The following RAPGEF5 variants were observed in gnomAD, a reference collection of about 807,000 sequenced individuals.
The protein encoded by RAPGEF5 is M-Ras-regulated GEF.
In RAPGEF5, 65 loss-of-function variants were observed where a neutral mutation model predicts 125.2. The observed-to-expected ratio is 0.52, with a 90% CI of 0.43 to 0.64. The LOEUF is 0.64. RAPGEF5 is among the 30% of genes least tolerant of loss of function. The probability of loss-of-function intolerance (pLI) is 0.00; values close to 1 mark genes in which losing one functional copy is unlikely to be tolerated. For synonymous variants in RAPGEF5, 391 were observed against 385.9 expected, an observed-to-expected ratio of 1.01 and a Z score of -0.16; for missense variants, 958 against 1,048.1, an observed-to-expected ratio of 0.91 and a Z score of 1.19.
chr7:22,273,211 A>ATTT (rs71026869), intron 6 of RAPGEF5, among the ~76,000 whole-genome samples: 202 of 96,594 alleles, frequency 2.1e-3, no homozygotes, highest in Non-Finnish European at 2.5e-3. Flanking sequence ...ACTTAGGAGT[A>ATTT]TTTTTTTTTT....
At chr7:22,180,586 G>A (rs1784643633) in intron 11 of RAPGEF5, among the ~76,000 whole-genome samples, 1 of 152,174 alleles carries the variant, frequency 6.6e-6, no homozygotes, top group South Asian at 2.1e-4. Context: ...TCACATGAGA[G>A]AGAAATACAT....
chr7:22,236,513 G>A (rs1786193920), intron 7 of RAPGEF5, among the ~76,000 whole-genome samples: 1 of 152,170 alleles, frequency 6.6e-6, no homozygotes, highest in Non-Finnish European at 1.5e-5. Context: ...GGATATTTCA[G>A]TTTAGATCAC....
intron 1 of RAPGEF5, among the ~76,000 whole-genome samples, chr7:22,350,566 C>T (rs1174859083): frequency 6.6e-6 from 1 of 152,190 alleles, no homozygotes; most frequent in Non-Finnish European, 1.5e-5. Flanking sequence ...CACTGAGGCT[C>T]AGAATGCTCA....
intron 24 of RAPGEF5, 88 bp from the exon 25 acceptor site, chr7:22,125,746 C>A: frequency 8.2e-7 from 1 of 1,214,854 alleles, no homozygotes; most frequent in South Asian, 1.2e-5. Flanking sequence ...GAAGGATAAT[C>A]TAGCACTCTT....
At chr7:22,237,168 A>G (rs1337057106) in intron 7 of RAPGEF5, among the ~76,000 whole-genome samples, 1 of 152,238 alleles carries the variant, frequency 6.6e-6, no homozygotes, top group Admixed American at 6.5e-5. Context: ...GGCCCCTGAC[A>G]AAATGAAGAG....
At chr7:22,138,068 G>T (rs995035368) in intron 21 of RAPGEF5, among the ~76,000 whole-genome samples, 3 of 151,252 alleles carry the variant, frequency 2.0e-5, no homozygotes, top group African/African-American at 7.3e-5. Flanking sequence ...AACAAACAGA[G>T]GACCAATTAA....
At chr7:22,275,049 C>T (rs1466820062) in intron 6 of RAPGEF5, among the ~76,000 whole-genome samples, 1 of 152,080 alleles carries the variant, frequency 6.6e-6, no homozygotes, top group Non-Finnish European at 1.5e-5. Context: ...ACTATGCTCT[C>T]TCTTTGCCCC....
chr7:22,195,676 G>A (rs973018958), intron 9 of RAPGEF5, among the ~76,000 whole-genome samples: 1 of 152,006 alleles, frequency 6.6e-6, no homozygotes, highest in Non-Finnish European at 1.5e-5. Context: ...CTATGTGGCT[G>A]AAGTGAAATA....
At chr7:22,324,807 C>T (rs1057371077) in intron 1 of RAPGEF5, among the ~76,000 whole-genome samples, 1 of 152,150 alleles carries the variant, frequency 6.6e-6, no homozygotes, top group Non-Finnish European at 1.5e-5. Context: ...ATTAATCTCC[C>T]GAAAACACCT....
At position 22,315,493 on chromosome 7, in the gene RAPGEF5, G is replaced by A; in HGVS notation, c.283-17C>T. On this transcript the variant is annotated splice_polypyrimidine_tract_variant and intron_variant, in intron 2 of 25. Transcript: ENST00000665637. ...TCCATAAATCTAAATGGAAAAGACAGTCACTGTAAATATAGAACAATAATG... is the reference window on the plus strand; with the variant it reads ...TCCATAAATCTAAATGGAAAAGACAATCACTGTAAATATAGAACAATAATG... 1.4e-6 allele frequency: 2 copies of A among 1,445,508 alleles called. No homozygotes were observed. The highest frequency in any genetic ancestry group is 2.8e-5 in the Admixed American group (1 of 36,314). 89.5% of individuals were successfully genotyped at this position (1,445,508 alleles called of 1,614,324 possible). A position where few individuals can be genotyped will look rare whatever the true frequency, so the allele number is the denominator to read the frequency against.
intron 6 of RAPGEF5, among the ~76,000 whole-genome samples, chr7:22,273,760 C>A (rs1028921222): frequency 1.3e-5 from 2 of 152,128 alleles, no homozygotes; most frequent in African/African-American, 4.8e-5. Flanking sequence ...TACAAGCATA[C>A]TTTGAGTTAA....
intron 18 of RAPGEF5, among the ~76,000 whole-genome samples, chr7:22,149,156 G>C (rs1355111259): frequency 1.3e-5 from 2 of 152,328 alleles, no homozygotes; most frequent in South Asian, 2.1e-4. Flanking sequence ...TACTGGAAGT[G>C]TTAAACGAGA....
chr7:22,299,874 T>C (rs1384800109), intron 5 of RAPGEF5, among the ~76,000 whole-genome samples: 1 of 150,960 alleles, frequency 6.6e-6, no homozygotes, highest in African/African-American at 2.4e-5. Context: ...TTACTCCTCC[T>C]GTAGGTAATG....
At chr7:22,284,089 G>GTGCA (rs1554273152) in intron 6 of RAPGEF5, among the ~76,000 whole-genome samples, 107 of 93,840 alleles carry the variant, frequency 1.1e-3, no homozygotes, top group African/African-American at 3.7e-3. Flanking sequence ...GTGTGTGTGT[G>GTGCA]CGCGTGCATG....
intron 1 of RAPGEF5, among the ~76,000 whole-genome samples, chr7:22,329,165 C>G (rs1484016014): frequency 1.3e-5 from 2 of 152,192 alleles, no homozygotes; most frequent in African/African-American, 4.8e-5. Context: ...ACACCAACAA[C>G]TGCACTCTTT....
intron 7 of RAPGEF5, among the ~76,000 whole-genome samples, chr7:22,239,991 C>T (rs1227132017): frequency 6.6e-6 from 1 of 151,856 alleles, no homozygotes; most frequent in Non-Finnish European, 1.5e-5. Context: ...GGCGGATCAC[C>T]TGAGGTCAAG....
At chr7:22,351,519 T>A (rs1400562214) in intron 1 of RAPGEF5, among the ~76,000 whole-genome samples, 4 of 152,176 alleles carry the variant, frequency 2.6e-5, no homozygotes, top group Non-Finnish European at 5.9e-5. Flanking sequence ...AAACCTCCCT[T>A]CTGGCACACA....
At chr7:22,315,901 A>C (rs1783579166) in intron 2 of RAPGEF5, among the ~76,000 whole-genome samples, 1 of 152,132 alleles carries the variant, frequency 6.6e-6, no homozygotes, top group African/African-American at 2.4e-5. Context: ...TGGAAGATGG[A>C]AAAACAATTT....
chr7:22,284,888 A>G (rs571305499), intron 6 of RAPGEF5, among the ~76,000 whole-genome samples: 1 of 152,214 alleles, frequency 6.6e-6, no homozygotes, highest in African/African-American at 2.4e-5. Flanking sequence ...TCATCACTCA[A>G]TTGTGCTTAT....
Sources: gnomAD v4.1 joint callset for allele counts (sites outside exome capture counted in the v4.1 genomes callset) on GRCh38, gnomAD v4.1.1 for gene constraint, MANE v1.5 for transcripts, NCBI Gene and HGNC (gene_info 2026-07-23, HGNC 2026-07-21) for gene names.